CCSER1: variants seen among roughly 807,000 people sequenced by gnomAD.
CCSER1 encodes the protein serine-rich coiled-coil domain-containing protein 1.
CCSER1 carries 41 observed loss-of-function variants against 82.0 expected under a neutral mutation model. The observed-to-expected ratio is 0.50, with a 90% confidence interval of 0.39 to 0.65. The LOEUF is 0.65. Ranked by LOEUF, CCSER1 falls within the 30% of genes least tolerant of loss-of-function variation. The pLI, the probability that CCSER1 is intolerant of heterozygous loss-of-function variation, is 0.00. For missense variants in CCSER1, 1,119 were observed against 1,064.2 expected, an observed-to-expected ratio of 1.05 and a Z score of -0.72; for synonymous variants, 414 against 383.9, an observed-to-expected ratio of 1.08 and a Z score of -0.92.
intron 3 of CCSER1, among the ~76,000 whole-genome samples, chr4:90,313,790 G>A (rs1413456704): frequency 1.3e-5 from 2 of 152,138 alleles, no homozygotes; most frequent in African/African-American, 4.8e-5. Context: ...GGTTTCACAA[G>A]TATTAGAGTG....
At chr4:90,157,719 CTCCA>C (rs146656309) in intron 1 of CCSER1, among the ~76,000 whole-genome samples, 45,892 of 151,662 alleles carry the variant, frequency 0.3, 7,931 homozygotes, top group Non-Finnish European at 0.4. Flanking sequence ...TGGCTTTCAG[CTCCA>C]TCAGCTCCTT....
chr4:90,760,558 TATTA>T (rs1471410458), intron 7 of CCSER1, among the ~76,000 whole-genome samples: 1 of 152,094 alleles, frequency 6.6e-6, no homozygotes, highest in African/African-American at 2.4e-5. Context: ...AATAAGCTGT[TATTA>T]ATTAGTTTAT....
intron 7 of CCSER1, among the ~76,000 whole-genome samples, chr4:90,764,771 G>T (rs1750946957): frequency 6.6e-6 from 1 of 151,980 alleles, no homozygotes; most frequent in Non-Finnish European, 1.5e-5. Flanking sequence ...CTCAACTAGA[G>T]AATTAGTTGA....
rs1735594673 is a variant in CCSER1 at position 91,198,044 on chromosome 4, A to AT, written c.2217+112054dup. Reference sequence around the variant, plus strand: ...TAGTCTAAACTGTCTTTACAATTTCATTTTAAAAGATCAATTCAAGCCATT... The same window carrying AT: ...TAGTCTAAACTGTCTTTACAATTTCATTTTTAAAAGATCAATTCAAGCCATT... On this transcript the variant is annotated intron_variant, in intron 10 of 10. Transcript: ENST00000509176. Among the ~76,000 whole-genome samples, 4 of 152,322 alleles carry AT rather than the reference A, an allele frequency of 2.6e-5. No individual in the cohort carries two copies. In the South Asian group the frequency reaches 8.3e-4, roughly 32 times the overall value.
intron 8 of CCSER1, among the ~76,000 whole-genome samples, chr4:90,858,832 G>C (rs1764745704): frequency 6.6e-6 from 1 of 151,714 alleles, no homozygotes; most frequent in Non-Finnish European, 1.5e-5. Context: ...CTCCATATTT[G>C]CTTATCATTT....
intron 7 of CCSER1, among the ~76,000 whole-genome samples, chr4:90,752,851 A>G (rs1014971253): frequency 6.6e-6 from 1 of 152,132 alleles, no homozygotes; most frequent in Non-Finnish European, 1.5e-5. Flanking sequence ...GATAAAAACC[A>G]TTCAAAACAT....
chr4:91,572,701 T>C (rs534980998), intron 10 of CCSER1, among the ~76,000 whole-genome samples: 7 of 151,508 alleles, frequency 4.6e-5, no homozygotes, highest in African/African-American at 1.7e-4. Context: ...ATGGCTTATA[T>C]CTGTAATCCC....
intron 4 of CCSER1, among the ~76,000 whole-genome samples, chr4:90,411,193 G>T (rs1229117874): frequency 6.6e-6 from 1 of 152,116 alleles, no homozygotes; most frequent in Admixed American, 6.5e-5. Flanking sequence ...TCTACCAGAG[G>T]TACAAGGAGG....
intron 10 of CCSER1, among the ~76,000 whole-genome samples, chr4:91,475,865 G>A (rs1160172786): frequency 6.6e-6 from 1 of 151,602 alleles, no homozygotes; most frequent in Non-Finnish European, 1.5e-5. Context: ...AATTTTTTTA[G>A]CTCCCACATA....
At chr4:90,665,306 A>G (rs1256918337) in intron 6 of CCSER1, among the ~76,000 whole-genome samples, 2 of 150,874 alleles carry the variant, frequency 1.3e-5, no homozygotes, top group Non-Finnish European at 2.9e-5. Context: ...TAAGGACTGA[A>G]ACATATGCTG....
chr4:90,483,804 C>T (rs987456926), intron 5 of CCSER1, among the ~76,000 whole-genome samples: 20 of 152,174 alleles, frequency 1.3e-4, no homozygotes, highest in African/African-American at 4.6e-4. Flanking sequence ...CTGCCCTTAA[C>T]ATTTTTTCCT....
chr4:90,539,613 C>A (rs1019180155), intron 5 of CCSER1, among the ~76,000 whole-genome samples: 2 of 151,948 alleles, frequency 1.3e-5, no homozygotes, highest in Admixed American at 1.3e-4. Flanking sequence ...ATTTTCTGAG[C>A]CCCACACAGA....
chr4:91,517,796 T>C (rs1028517837), intron 10 of CCSER1, among the ~76,000 whole-genome samples: 9 of 151,182 alleles, frequency 6.0e-5, no homozygotes, highest in Non-Finnish European at 1.2e-4. Context: ...TTAACTTTGA[T>C]ATAAATTGAG....
chr4:90,750,932 A>G (rs902456388), intron 7 of CCSER1, among the ~76,000 whole-genome samples: 6 of 152,158 alleles, frequency 3.9e-5, no homozygotes, highest in Non-Finnish European at 4.4e-5. Context: ...TCTTTGAAAT[A>G]TATCTTAATT....
chr4:90,840,373 T>C (rs1253473564), intron 8 of CCSER1, among the ~76,000 whole-genome samples: 1 of 152,164 alleles, frequency 6.6e-6, no homozygotes, highest in African/African-American at 2.4e-5. Flanking sequence ...TAATCTTCAT[T>C]TTAGAGAAAT....
At position 91,348,949 on chromosome 4, in the gene CCSER1, C is replaced by T. The variant is rs1193441146; in HGVS notation, c.2218-249623C>T. ...TTTGAGACGGAGTCTCACTCTGCCC[C>T]CCAGGCTGGAGTGCAGTGGTGAGAT... is the stretch of plus-strand genomic sequence containing the variant. On this transcript the variant is annotated intron_variant, in intron 10 of 10. Coordinates refer to ENST00000509176, the MANE Select transcript of CCSER1 (RefSeq NM_001145065.2). Among the ~76,000 whole-genome samples the T allele has an allele frequency of 3.9e-5, 6 of 152,052 alleles. No individual in the cohort carries two copies. The South Asian group carries it at 1.2e-3, about 32-fold the overall frequency.
chr4:90,950,392 C>T (rs1311602878), intron 9 of CCSER1, among the ~76,000 whole-genome samples: 1 of 151,934 alleles, frequency 6.6e-6, no homozygotes, highest in South Asian at 2.1e-4. Flanking sequence ...TTACTGAGTA[C>T]GTCTGCTGTT....
intron 10 of CCSER1, among the ~76,000 whole-genome samples, chr4:91,215,649 A>G (rs1737182277): frequency 6.6e-6 from 1 of 152,184 alleles, no homozygotes; most frequent in Non-Finnish European, 1.5e-5. Context: ...AGATGGTGCC[A>G]CGCAGATTTG....
chr4:90,483,643 G>T (rs149330009), intron 5 of CCSER1, among the ~76,000 whole-genome samples: 2 of 152,110 alleles, frequency 1.3e-5, no homozygotes, highest in African/African-American at 4.8e-5. Flanking sequence ...GCTTAGTTTG[G>T]CTGGATATGA....
Sources: gnomAD v4.1 joint callset for allele counts (sites outside exome capture counted in the v4.1 genomes callset) on GRCh38, gnomAD v4.1.1 for gene constraint, MANE v1.5 for transcripts, NCBI Gene and HGNC (gene_info 2026-07-23, HGNC 2026-07-21) for gene names.